The following YJU2B variants were observed in gnomAD, a reference collection of about 807,000 sequenced individuals.
The protein encoded by YJU2B is probable splicing factor YJU2B.
Under a neutral mutation model 38.0 loss-of-function variants are expected in YJU2B, and 18 were observed. The observed-to-expected ratio is 0.47, with a 90% CI of 0.33 to 0.70. YJU2B has a LOEUF of 0.70. YJU2B is among the 30% of genes least tolerant of loss of function. YJU2B has a pLI of 0.02. For missense variants in YJU2B, 538 were observed against 556.3 expected (o/e 0.97, Z 0.33); for synonymous variants, 246 against 225.4 (o/e 1.09, Z -0.82).
intron 2 of YJU2B, among the ~76,000 whole-genome samples, 167 bp from the exon 3 acceptor site, chr19:13,754,122 A>T (rs1312090768): frequency 6.6e-6 from 1 of 152,214 alleles, no homozygotes; most frequent in African/African-American, 2.4e-5. Context: ...CAGTGAGTCA[A>T]GATCGCACCA....
intron 2 of YJU2B, among the ~76,000 whole-genome samples, chr19:13,738,329 G>A (rs1374466560): frequency 6.6e-6 from 1 of 152,172 alleles, no homozygotes; most frequent in African/African-American, 2.4e-5. Context: ...TTACATCATT[G>A]TCATCATAGA....
intron 3 of YJU2B, among the ~76,000 whole-genome samples, chr19:13,754,592 G>A (rs1336797749): frequency 6.6e-6 from 1 of 152,108 alleles, no homozygotes; most frequent in East Asian, 1.9e-4. Context: ...ATAAGGCAGA[G>A]CGCACAGATG....
At chr19:13,742,294 C>CTTTTTTTTTTTTTTT (rs552865402) in intron 2 of YJU2B, among the ~76,000 whole-genome samples, 7 of 111,976 alleles carry the variant, frequency 6.3e-5, no homozygotes, top group African/African-American at 2.5e-4. Context: ...TTGAGTCCCA[C>CTTTTTTTTTTTTTTT]TTTTTTTTTT....
At chr19:13,760,310 G>C (rs1169125457) in intron 8 of YJU2B, among the ~76,000 whole-genome samples, 1 of 152,076 alleles carries the variant, frequency 6.6e-6, no homozygotes, top group African/African-American at 2.4e-5. Flanking sequence ...TGTCTGGTGA[G>C]GGCCCATTTC....
chr19:13,756,352 C>T, intron 4 of YJU2B, 73 bp downstream of exon 4: 1 of 1,188,590 alleles, frequency 8.4e-7, no homozygotes, highest in South Asian at 1.2e-5. Context: ...GTTCAGTGCC[C>T]TCATTGGCCC....
Position 13,751,673 on chromosome 19 carries a change from G to A in YJU2B, c.-136G>A, listed in dbSNP as rs187293806. ...CTTGTCTGAGCTGGCACCACCACAC[G>A]GCCCACGACATCTTCGCAGGGAAGC... On this transcript the variant is annotated 5_prime_UTR_variant, in exon 2 of 10. Coordinates refer to ENST00000221554, the MANE Select transcript of YJU2B (RefSeq NM_030818.4). 2.9e-3 allele frequency: 2,592 copies of A among 883,794 alleles called. 63 individuals carry two copies. In the Admixed American group the frequency reaches 0.043, roughly 15 times the overall value. The allele number at this position is 883,794 out of a possible 1,614,324, so 54.7% of individuals were successfully genotyped here. A position where few individuals can be genotyped will look rare whatever the true frequency, so the allele number is the denominator to read the frequency against.
chr19:13,747,647 A>C (rs1973291471), upstream of YJU2B: 1 of 152,392 alleles, frequency 6.6e-6, no homozygotes, highest in Non-Finnish European at 1.5e-5. Flanking sequence ...GACCGGCTGC[A>C]GCGCGCAGGA....
intron 1 of YJU2B, among the ~76,000 whole-genome samples, chr19:13,750,857 CAAAAAAAAAA>C (rs908775840): frequency 8.1e-5 from 5 of 62,030 alleles, no homozygotes; most frequent in East Asian, 4.6e-4. Flanking sequence ...GACTCCGTCT[CAAAAAAAAAA>C]AAAAAAAAAA....
chr19:13,735,133 T>C (rs1568274162), intron 2 of YJU2B, among the ~76,000 whole-genome samples: 1 of 152,044 alleles, frequency 6.6e-6, no homozygotes, highest in African/African-American at 2.4e-5. Context: ...CTGGCCAACA[T>C]GGTGAAACCC....
At chr19:13,749,674 C>T (rs1047622143) in intron 1 of YJU2B, among the ~76,000 whole-genome samples, 3 of 150,428 alleles carry the variant, frequency 2.0e-5, no homozygotes, top group Non-Finnish European at 3.0e-5. Context: ...GCTCTATCGC[C>T]CAGGCTGGAG....
intron 2 of YJU2B, among the ~76,000 whole-genome samples, chr19:13,738,634 G>T (rs558275001): frequency 1.3e-5 from 2 of 152,040 alleles, no homozygotes; most frequent in East Asian, 3.9e-4. Context: ...GCTCACGCCT[G>T]TAATCCCAGC....
In YJU2B at chr19:13,762,451, C is replaced by T; in HGVS notation, c.712+14C>T. On this transcript the variant is annotated intron_variant, in intron 9 of 9. Transcript: ENST00000221554. Reference sequence around the variant, plus strand: ...ACACCCTGGACTGTGCGTAGGAGGCCAGGGGGAAAAGGGGACAGGGAGGCT... The same window carrying T: ...ACACCCTGGACTGTGCGTAGGAGGCTAGGGGGAAAAGGGGACAGGGAGGCT... The T allele has an allele frequency of 6.2e-7, 1 of 1,610,158 alleles. No individual in the cohort carries two copies. Among genetic ancestry groups the T allele is most frequent in the East Asian group, 2.2e-5 (1 of 44,846 alleles).
In YJU2B at chr19:13,759,270, C is replaced by T. The variant is rs144062584; in HGVS notation, c.571C>T (p.Arg191Trp). 2.4e-5 allele frequency: 38 copies of T among 1,601,956 alleles called. No homozygotes were observed. Among genetic ancestry groups the T allele is most frequent in the Non-Finnish European group, 2.6e-5 (31 of 1,173,318 alleles). ...ALNSMLRRRF[R>W]EKKKAIQEEE... ...CAACAGCATGCTGCGGAGAAGGTTC[C>T]GGGTGAGGGGGGCTCCAGCCCGGGG... is the stretch of plus-strand genomic sequence containing the variant. The change falls in exon 8 of 10, where the codon CGG becomes TGG. Residue 191 changes from arginine (R) to tryptophan (W), a missense_variant and splice_region_variant. Physicochemically the swap from Arg to Trp is moderately radical, Grantham distance 101. Transcript: ENST00000221554.
At chr19:13,759,342 C>A (rs992753450) in intron 8 of YJU2B, 70 bp downstream of exon 8, 2 of 1,258,100 alleles carry the variant, frequency 1.6e-6, no homozygotes, top group Non-Finnish European at 2.2e-6. Context: ...AGCCCTCCCC[C>A]CACCACATCC....
chr19:13,734,732 G>T (rs887963804), intron 2 of YJU2B, among the ~76,000 whole-genome samples: 1 of 152,008 alleles, frequency 6.6e-6, no homozygotes, highest in Non-Finnish European at 1.5e-5. Flanking sequence ...GGGATTACAG[G>T]TGTGCTCCAC....
intron 2 of YJU2B, among the ~76,000 whole-genome samples, chr19:13,734,113 A>C (rs952405141): frequency 6.6e-6 from 1 of 151,932 alleles, no homozygotes; most frequent in Non-Finnish European, 1.5e-5. Context: ...TCTTTTGTAG[A>C]GACAGGGTCT....
rs749650534 is a variant in YJU2B at position 13,762,763 on chromosome 19, G to A, written c.886G>A (p.Val296Met). The change falls in exon 10 of 10, where the codon GTG becomes ATG. Residue 296 changes from valine (V) to methionine (M), a missense_variant. Physicochemically the swap from Val to Met is conservative, Grantham distance 21. This residue lies in a region of YJU2B where 488 missense variants were observed against 469.5 expected (regional missense o/e 1.04). Coordinates refer to ENST00000221554, the MANE Select transcript of YJU2B (RefSeq NM_030818.4). ...SPITVGDLGI[V>M]RRRSRDVPES... Reference sequence around the variant, plus strand: ...CATCACCGTCGGGGACCTGGGCATCGTGCGGCGGAGGTCTCGGGACGTCCC... The same window carrying A: ...CATCACCGTCGGGGACCTGGGCATCATGCGGCGGAGGTCTCGGGACGTCCC... 1.9e-6 allele frequency: 3 copies of A among 1,606,768 alleles called. No homozygotes were observed. The highest frequency in any genetic ancestry group is 2.2e-5 in the South Asian group (2 of 90,432).
intron 3 of YJU2B, 50 bp from the exon 4 acceptor site, chr19:13,756,147 A>G: frequency 6.8e-7 from 1 of 1,478,012 alleles, no homozygotes; most frequent in Non-Finnish European, 9.5e-7. Context: ...GAAAATTGTG[A>G]GCTCCTCCAG....
chr19:13,754,359 C>G lies in YJU2B; in HGVS notation c.57+17C>G. On this transcript the variant is annotated intron_variant, in intron 3 of 9. Transcript: ENST00000221554. ...CCTGAGAAGGTAAGCAGGCTCTCCGCTCCAGGTCCACAGTAGCAAAAAGAC... is the reference window on the plus strand; with the variant it reads ...CCTGAGAAGGTAAGCAGGCTCTCCGGTCCAGGTCCACAGTAGCAAAAAGAC... The G allele has an allele frequency of 6.2e-7, 1 of 1,606,900 alleles. No homozygotes were observed. Among genetic ancestry groups the G allele is most frequent in the East Asian group, 2.2e-5 (1 of 44,868 alleles).
Sources: allele counts gnomAD v4.1 joint callset (sites outside exome capture counted in the v4.1 genomes callset), GRCh38; gene constraint gnomAD v4.1.1; regional missense constraint gnomAD v4.1.1; transcripts MANE v1.5; gene names NCBI Gene and HGNC (gene_info 2026-07-23, HGNC 2026-07-21).